MIB1: variants seen among roughly 807,000 people sequenced by gnomAD.
MIB1 encodes the protein E3 ubiquitin-protein ligase MIB1.
A neutral mutation model predicts 124.5 loss-of-function variants in MIB1; 278 were observed. The observed-to-expected ratio is 2.23, with a 90% CI of 2.02 to 2.47. MIB1 has a LOEUF of 2.47. Ranked by LOEUF, MIB1 falls within the 30% of genes most tolerant of loss-of-function variation. The pLI is 0.00. For missense variants in MIB1, 957 were observed against 1,254.4 expected, an observed-to-expected ratio of 0.76 and a Z score of 3.58; for synonymous variants, 446 against 429.4, an observed-to-expected ratio of 1.04 and a Z score of -0.48.
chr18:21,732,164 C>A (rs895744110), intron 1 of MIB1, among the ~76,000 whole-genome samples: 2 of 151,698 alleles, frequency 1.3e-5, no homozygotes. Flanking sequence ...TGTCTCTCTA[C>A]TAAAAATACA....
At chr18:21,716,636 G>C (rs1468209413) in intron 1 of MIB1, among the ~76,000 whole-genome samples, 1 of 152,188 alleles carries the variant, frequency 6.6e-6, no homozygotes, top group Non-Finnish European at 1.5e-5. Context: ...CGGATCACGA[G>C]GTCAGGAGTT....
intron 1 of MIB1, among the ~76,000 whole-genome samples, chr18:21,713,054 G>T (rs1398165302): frequency 9.2e-5 from 14 of 152,004 alleles, no homozygotes; most frequent in Non-Finnish European, 1.5e-5. Context: ...CAGTCTTGGG[G>T]TCAAGCAATC....
At chr18:21,734,316 A>C (rs1198443412) in intron 1 of MIB1, among the ~76,000 whole-genome samples, 2 of 151,824 alleles carry the variant, frequency 1.3e-5, no homozygotes, top group East Asian at 3.9e-4. Context: ...CGTGTTGGCC[A>C]GGATGGTCTC....
intron 5 of MIB1, 75 bp downstream of exon 5, chr18:21,778,244 A>G (rs754088884): frequency 1.5e-5 from 16 of 1,093,594 alleles, no homozygotes; most frequent in Admixed American, 2.0e-5. Flanking sequence ...CTTAAATTGG[A>G]TGTTAGAAAA....
intron 9 of MIB1, 74 bp downstream of exon 9, chr18:21,800,048 C>T: frequency 7.9e-7 from 1 of 1,262,976 alleles, no homozygotes; most frequent in South Asian, 1.7e-5. Flanking sequence ...TCAACAATTA[C>T]TAAGATTTTG....
intron 6 of MIB1, among the ~76,000 whole-genome samples, chr18:21,783,405 G>C (rs2041394676): frequency 6.6e-6 from 1 of 151,900 alleles, no homozygotes; most frequent in Non-Finnish European, 1.5e-5. Context: ...ACCAAGCCCA[G>C]CTAATTTTTG....
intron 15 of MIB1, 37 bp downstream of exon 15, chr18:21,844,290 A>G (rs1268872631): frequency 1.3e-6 from 2 of 1,599,860 alleles, no homozygotes; most frequent in Admixed American, 3.4e-5. Flanking sequence ...TACCAGTGGA[A>G]GAATCTTTTC....
At chr18:21,754,990 G>A (rs564216813) in intron 1 of MIB1, among the ~76,000 whole-genome samples, 16 of 152,218 alleles carry the variant, frequency 1.1e-4, no homozygotes, top group African/African-American at 3.6e-4. Flanking sequence ...ACCCTCCTCC[G>A]GGACACCTGT....
At chr18:21,755,014 A>T (rs1017622754) in intron 1 of MIB1, among the ~76,000 whole-genome samples, 4 of 152,182 alleles carry the variant, frequency 2.6e-5, no homozygotes, top group African/African-American at 9.7e-5. Context: ...AGCCAGTCAT[A>T]GCACCTCTTT....
At chr18:21,722,217 G>A (rs2040718777) in intron 1 of MIB1, among the ~76,000 whole-genome samples, 1 of 151,702 alleles carries the variant, frequency 6.6e-6, no homozygotes. Flanking sequence ...ACCACACCTG[G>A]CTAATTTTTT....
At chr18:21,765,528 A>G (rs924477673) in intron 1 of MIB1, among the ~76,000 whole-genome samples, 1 of 152,200 alleles carries the variant, frequency 6.6e-6, no homozygotes, top group Non-Finnish European at 1.5e-5. Context: ...GAGCGAGGAA[A>G]GAGTTACTGA....
chr18:21,842,776 A>G (rs567648914), intron 13 of MIB1, among the ~76,000 whole-genome samples: 2 of 152,198 alleles, frequency 1.3e-5, no homozygotes, highest in Non-Finnish European at 2.9e-5. Flanking sequence ...ATAACTTTTC[A>G]GGAAATATTT....
chr18:21,751,527 G>T (rs936004550), intron 1 of MIB1, among the ~76,000 whole-genome samples: 1 of 152,034 alleles, frequency 6.6e-6, no homozygotes, highest in East Asian at 1.9e-4. Context: ...CTCCCAAAGT[G>T]CTGGGATTAC....
chr18:21,814,823 C>T (rs944646129), intron 10 of MIB1, among the ~76,000 whole-genome samples: 2 of 151,188 alleles, frequency 1.3e-5, no homozygotes, highest in South Asian at 4.2e-4. Flanking sequence ...ATCCGCCCGC[C>T]TTGGCCTCCC....
rs1397273423 is a variant in MIB1 at position 21,844,255 on chromosome 18, T to G, written c.2211+2T>G. ...GCCTGGGAGCCATCCAAAAACACGG[T>G]GAGTAAAGATCATCTTTCATTCAGT... On this transcript the variant is annotated splice_donor_variant, in intron 15 of 20. Coordinates refer to ENST00000261537, the MANE Select transcript of MIB1 (RefSeq NM_020774.4). LOFTEE classifies it high-confidence loss of function. 6.2e-7 allele frequency: 1 copy of G among 1,613,872 alleles called. No homozygotes were observed. The highest frequency in any genetic ancestry group is 8.5e-7 in the Non-Finnish European group (1 of 1,179,870).
In MIB1 at chr18:21,744,463, G is replaced by A. The variant is rs1369217394; in HGVS notation, c.229+2651G>A. 3.3e-5 allele frequency among the ~76,000 whole-genome samples: 5 copies of A among 152,104 alleles called. No homozygotes were observed. In the East Asian group the frequency reaches 9.7e-4, roughly 29 times the overall value. On this transcript the variant is annotated intron_variant, in intron 1 of 20. Transcript: ENST00000261537. ...AAATTAACACTAATACGGTAATACT[G>A]TATTAACTAATCTATACACCTTATT... is the stretch of plus-strand genomic sequence containing the variant.
chr18:21,838,050 C>T (rs1465549237), intron 12 of MIB1, among the ~76,000 whole-genome samples: 1 of 152,104 alleles, frequency 6.6e-6, no homozygotes, highest in Non-Finnish European at 1.5e-5. Flanking sequence ...CCTTGTAGCA[C>T]TTCCATTCTG....
chr18:21,759,832 C>T (rs981690778), intron 1 of MIB1, among the ~76,000 whole-genome samples: 8 of 152,198 alleles, frequency 5.3e-5, no homozygotes, highest in African/African-American at 1.9e-4. Context: ...TAACATTTTA[C>T]TTAAATCAGT....
chr18:21,707,673 G>GT (rs2040645942), intron 1 of MIB1, among the ~76,000 whole-genome samples: 1 of 152,154 alleles, frequency 6.6e-6, no homozygotes, highest in African/African-American at 2.4e-5. Context: ...TTTAAGAACT[G>GT]TAACACTCAC....
Sources: allele counts gnomAD v4.1 joint callset (sites outside exome capture counted in the v4.1 genomes callset), GRCh38; gene constraint gnomAD v4.1.1; transcripts MANE v1.5; gene names NCBI Gene and HGNC (gene_info 2026-07-23, HGNC 2026-07-21).